FEZ1: variants seen among roughly 807,000 people sequenced by gnomAD.
FEZ1 encodes fasciculation and elongation protein zeta-1.
In FEZ1, 20 loss-of-function variants were observed where a neutral mutation model predicts 49.3. The observed-to-expected ratio is 0.41, with a 90% confidence interval of 0.29 to 0.59. The LOEUF (loss-of-function observed/expected upper bound fraction) is 0.59. Ranked by LOEUF, FEZ1 falls within the 20% of genes least tolerant of loss-of-function variation. The pLI is 0.36. For missense variants in FEZ1, 413 were observed against 476.0 expected, an observed-to-expected ratio of 0.87 and a Z score of 1.23; for synonymous variants, 170 against 180.9, an observed-to-expected ratio of 0.94 and a Z score of 0.48.
Position 125,447,275 on chromosome 11 carries a change from AC to A in FEZ1, c.1163-1165del, listed in dbSNP as rs747726656. 6.1e-4 allele frequency among the ~76,000 whole-genome samples: 93 copies of A among 152,324 alleles called. No individual in the cohort carries two copies. The Middle Eastern group carries it at 0.01, about 17-fold the overall frequency. ...AAGACAGGAGAACATATTAAATTAC[AC>A]CATGGGGATGAAATTAGCAAAAATC... On this transcript the variant is annotated intron_variant, in intron 9 of 9. Transcript: ENST00000278919.
rs964971522 is a variant in FEZ1 at position 125,495,013 on chromosome 11, C to T, written c.-46+1108G>A. On this transcript the variant is annotated intron_variant, in intron 1 of 9. Coordinates refer to ENST00000278919, the MANE Select transcript of FEZ1 (RefSeq NM_005103.5). The surrounding 1 kb of genome is among the most constrained non-coding windows in gnomAD (Gnocchi z 4.2). ...CCTGCACTGATCCACCTTCAGATTT[C>T]CCACTGCTCCTCCGCAGAACCCACC... Among the ~76,000 whole-genome samples the T allele has an allele frequency of 1.7e-3, 258 of 152,322 alleles. 2 individuals are homozygous for T. Among genetic ancestry groups the T allele is most frequent in the Non-Finnish European group, 7.8e-4 (53 of 68,010 alleles).
chr11:125,449,920 A>G (rs541458565), intron 8 of FEZ1, among the ~76,000 whole-genome samples: 1 of 152,182 alleles, frequency 6.6e-6, no homozygotes, highest in African/African-American at 2.4e-5. Context: ...AAGAGACTCA[A>G]CCTGAGGCCA....
intron 2 of FEZ1, among the ~76,000 whole-genome samples, chr11:125,485,449 G>A (rs570518293): frequency 4.6e-5 from 7 of 152,218 alleles, no homozygotes; most frequent in Admixed American, 3.9e-4. Flanking sequence ...TGATGCACAC[G>A]TAAACCCTTA....
At chr11:125,468,059 T>A (rs1259037165) in intron 3 of FEZ1, among the ~76,000 whole-genome samples, 3 of 152,204 alleles carry the variant, frequency 2.0e-5, no homozygotes, top group African/African-American at 7.2e-5. Context: ...AGCAAATTAT[T>A]TTGACCTAAA....
Position 125,444,016 on chromosome 11 carries a change from GC to G in FEZ1, c.*2078del, listed in dbSNP as rs1956875006. Among the ~76,000 whole-genome samples, 1 of 152,186 alleles carries G rather than the reference GC, an allele frequency of 6.6e-6. No homozygotes were observed. The highest frequency in any genetic ancestry group is 2.1e-4 in the South Asian group (1 of 4,828). On this transcript the variant is annotated 3_prime_UTR_variant, in exon 10 of 10. Coordinates refer to ENST00000278919, the MANE Select transcript of FEZ1 (RefSeq NM_005103.5). ...GCTGAGGCTGGTGAAAAACCCCGTC[GC>G]CGGCAGAGTGCTAAACATGCTAATG... is the stretch of plus-strand genomic sequence containing the variant.
chr11:125,491,176 C>T (rs572310869), intron 1 of FEZ1, among the ~76,000 whole-genome samples: 20 of 152,178 alleles, frequency 1.3e-4, no homozygotes, highest in Admixed American at 1.3e-3. Flanking sequence ...CAAAGCCATA[C>T]TCCATAACCA....
Position 125,472,485 on chromosome 11 carries a change from A to G in FEZ1, c.412-8915T>C, listed in dbSNP as rs543372600. ...ACAAAACAAAATTATAAACAAATGAATGTTCAATACATTCAATGATTAAAT... is the reference window on the plus strand; with the variant it reads ...ACAAAACAAAATTATAAACAAATGAGTGTTCAATACATTCAATGATTAAAT... On this transcript the variant is annotated intron_variant, in intron 3 of 9. Transcript: ENST00000278919. Among the ~76,000 whole-genome samples the G allele has an allele frequency of 3.9e-5, 6 of 152,254 alleles. No individual in the cohort carries two copies. The South Asian group carries it at 1.2e-3, about 32-fold the overall frequency.
intron 9 of FEZ1, among the ~76,000 whole-genome samples, chr11:125,447,938 T>A (rs566414148): frequency 6.6e-6 from 1 of 152,304 alleles, no homozygotes; most frequent in East Asian, 1.9e-4. Context: ...TAGTTATGCA[T>A]GAAAACTATG....
intron 5 of FEZ1, among the ~76,000 whole-genome samples, chr11:125,458,779 A>T (rs1490251040): frequency 2.2e-4 from 33 of 152,184 alleles, no homozygotes; most frequent in Admixed American, 2.2e-3. Context: ...TTTGAAATAT[A>T]ATCATCGGGC....
chr11:125,464,227 C>T (rs1957103654), intron 3 of FEZ1, among the ~76,000 whole-genome samples: 1 of 152,124 alleles, frequency 6.6e-6, no homozygotes, highest in South Asian at 2.1e-4. Context: ...TCTATAATTC[C>T]ATAATCCCAA....
At chr11:125,477,856 C>CAAAAAA (rs11413508) in intron 3 of FEZ1, among the ~76,000 whole-genome samples, 1 of 141,410 alleles carries the variant, frequency 7.1e-6, no homozygotes. Context: ...GAGCTTTATG[C>CAAAAAA]AAAAAAAAAA....
rs560339883 is a variant in FEZ1 at position 125,495,673 on chromosome 11, C to A, written c.-46+448G>T. The A allele has an allele frequency of 5.1e-6, 2 of 392,942 alleles. No individual in the cohort carries two copies. The highest frequency in any genetic ancestry group is 3.7e-5 in the South Asian group (2 of 53,854). The allele number at this position is 392,942 out of a possible 1,614,324, so 24.3% of individuals were successfully genotyped here. ...CGTTTACGGTGACTGGACCAGATAA[C>A]GGTCCCGGGACGAGGTACCGACCCA... is the stretch of plus-strand genomic sequence containing the variant. On this transcript the variant is annotated intron_variant, in intron 1 of 9. Transcript: ENST00000278919. This position sits in a 1 kb window ranked among gnomAD's most constrained non-coding sequence, Gnocchi z 4.2.
At chr11:125,471,746 C>A (rs1957184561) in intron 3 of FEZ1, among the ~76,000 whole-genome samples, 1 of 152,112 alleles carries the variant, frequency 6.6e-6, no homozygotes, top group Admixed American at 6.5e-5. Context: ...AGGAATTCAA[C>A]AATACTATCA....
chr11:125,453,882 C>T, intron 7 of FEZ1: 1 of 341,692 alleles, frequency 2.9e-6, no homozygotes, highest in East Asian at 4.5e-5. Flanking sequence ...GACCTACAAG[C>T]AGTGTTGAGT....
At chr11:125,465,750 G>A (rs1165480844) in intron 3 of FEZ1, among the ~76,000 whole-genome samples, 1 of 152,076 alleles carries the variant, frequency 6.6e-6, no homozygotes, top group Non-Finnish European at 1.5e-5. Context: ...CACCTCCATC[G>A]TGCCCCAGCC....
rs577457351 is a variant in FEZ1 at position 125,446,728 on chromosome 11, A to AG, written c.1163-618_1163-617insC. Among the ~76,000 whole-genome samples the AG allele has an allele frequency of 4.8e-3, 736 of 151,922 alleles. 7 individuals are homozygous for AG. The highest frequency in any genetic ancestry group is 0.017 in the African/African-American group (685 of 41,422). On this transcript the variant is annotated intron_variant, in intron 9 of 9. Coordinates refer to ENST00000278919, the MANE Select transcript of FEZ1 (RefSeq NM_005103.5). ...GGTCTTGCTGTGTCACCCAGGCTGG[A>AG]TGCAGTGGTGTGATCACAGCCCCCA...
intron 1 of FEZ1, among the ~76,000 whole-genome samples, chr11:125,493,623 A>G (rs192841931): frequency 5.8e-4 from 89 of 152,336 alleles, no homozygotes; most frequent in African/African-American, 2.0e-3. Flanking sequence ...CAATGCTTCA[A>G]TATGCTTATC....
chr11:125,462,975 G>C (rs542120596), intron 4 of FEZ1, among the ~76,000 whole-genome samples: 2 of 150,372 alleles, frequency 1.3e-5, no homozygotes, highest in Non-Finnish European at 3.0e-5. Context: ...ACTCTGGCCT[G>C]GGTGACAAAG....
intron 8 of FEZ1, among the ~76,000 whole-genome samples, chr11:125,449,222 T>G (rs2135735539): frequency 6.6e-6 from 1 of 150,960 alleles, no homozygotes; most frequent in East Asian, 2.0e-4. Flanking sequence ...TTTTTTTTTT[T>G]TTTAGTAAAG....
Sources: gnomAD v4.1 joint callset for allele counts (sites outside exome capture counted in the v4.1 genomes callset) on GRCh38, gnomAD v4.1.1 for gene constraint, Gnocchi (gnomAD v3.1) non-coding constraint, MANE v1.5 for transcripts, NCBI Gene and HGNC (gene_info 2026-07-23, HGNC 2026-07-21) for gene names.